Variants in PID1 observed in about 807,000 individuals in gnomAD.
The protein encoded by PID1 is PTB-containing, cubilin and LRP1-interacting protein.
PID1 carries 10 observed loss-of-function variants against 19.1 expected under a neutral mutation model. The observed-to-expected ratio is 0.52, with a 90% CI of 0.32 to 0.89. PID1 has a LOEUF of 0.89. PID1 is among the 40% of genes least tolerant of loss of function. The probability of loss-of-function intolerance (pLI) is 0.03; values close to 1 mark genes in which losing one functional copy is unlikely to be tolerated. For synonymous variants in PID1, 130 were observed against 116.0 expected, an observed-to-expected ratio of 1.12 and a Z score of -0.78; for missense variants, 248 against 285.3, an observed-to-expected ratio of 0.87 and a Z score of 0.94.
Position 229,025,948 on chromosome 2 carries a change from T to C in PID1, c.338A>G (p.His113Arg), listed in dbSNP as rs775155088. Residue 113 changes from histidine (H) to arginine (R), a missense_variant, in exon 3 of 3, where the codon CAT (histidine) becomes CGT (arginine). By Grantham distance (29) the His-to-Arg change is conservative. Coordinates refer to ENST00000392055, the MANE Select transcript of PID1 (RefSeq NM_001100818.2). ...LEIRPFQVWL[H>R]HLDHKGEATV... ...GGCCTCCCCTTTGTGGTCGAGATGA[T>C]GGAGCCAAACTTGGAATGGCCGGAT... The C allele has an allele frequency of 1.9e-6, 3 of 1,614,208 alleles. No individual in the cohort carries two copies. The East Asian group carries it at 6.7e-5, about 36-fold the overall frequency.
chr2:229,184,365 A>C lies in PID1; in HGVS notation c.31-28401T>G, dbSNP rs1284999486. On this transcript the variant is annotated intron_variant, in intron 1 of 2. Transcript: ENST00000392055. ...TATCCCATATATATATCACACATATATATCCCATATATATCTATCCCGTAT... is the reference window on the plus strand; with the variant it reads ...TATCCCATATATATATCACACATATCTATCCCATATATATCTATCCCGTAT... 3.0e-5 allele frequency among the ~76,000 whole-genome samples: 4 copies of C among 133,238 alleles called. 2 individuals carry two copies. Among genetic ancestry groups the C allele is most frequent in the Non-Finnish European group, 6.3e-5 (4 of 63,732 alleles). 87.4% of individuals were successfully genotyped at this position (133,238 alleles called of 152,430 possible). A position where few individuals can be genotyped will look rare whatever the true frequency, so the allele number is the denominator to read the frequency against.
intron 2 of PID1, among the ~76,000 whole-genome samples, chr2:229,096,213 T>C (rs1694968427): frequency 1.3e-5 from 2 of 152,212 alleles, no homozygotes; most frequent in African/African-American, 4.8e-5. Context: ...TATCATGTAC[T>C]TATCTCTTTC....
At chr2:229,184,475 T>G (rs147895312) in intron 1 of PID1, among the ~76,000 whole-genome samples, 11,568 of 13,082 alleles carry the variant, frequency 0.88, 5,541 homozygotes, top group East Asian at 0.98. Context: ...TATATATATA[T>G]CCCGTATATA....
chr2:229,155,852 G>A lies in PID1; in HGVS notation c.143C>T (p.Pro48Leu), dbSNP rs776658269. ...PEAIELCTTTPLMKTRTHSGC... is the reference protein window; with the variant it reads ...PEAIELCTTTLLMKTRTHSGC... ...ACTGTGAGTCCTTGTCTTCATCAGCGGTGTGGTCGTGCACAGCTCAATGGC... is the reference window on the plus strand; with the variant it reads ...ACTGTGAGTCCTTGTCTTCATCAGCAGTGTGGTCGTGCACAGCTCAATGGC... Residue 48 changes from proline to leucine, a missense_variant, in exon 2 of 3, where the codon CCG becomes CTG. By Grantham distance (98) the Pro-to-Leu change is moderately conservative. Coordinates refer to ENST00000392055, the MANE Select transcript of PID1 (RefSeq NM_001100818.2). 1.6e-5 allele frequency: 26 copies of A among 1,613,406 alleles called. No homozygotes were observed. The highest frequency in any genetic ancestry group is 9.3e-5 in the African/African-American group (7 of 74,896).
chr2:229,135,376 GA>G (rs2106172686), intron 2 of PID1, among the ~76,000 whole-genome samples: 1 of 152,220 alleles, frequency 6.6e-6, no homozygotes, highest in South Asian at 2.1e-4. Flanking sequence ...TATGCTAAGT[GA>G]AAAAAGCCAA....
At chr2:229,028,886 T>C (rs895293951) in intron 2 of PID1, among the ~76,000 whole-genome samples, 4 of 152,224 alleles carry the variant, frequency 2.6e-5, no homozygotes, top group African/African-American at 9.6e-5. Context: ...TATCCTATTA[T>C]CAGTTCTACT....
At chr2:229,262,884 C>A (rs1357204161) in intron 1 of PID1, 5 of 1,523,572 alleles carry the variant, frequency 3.3e-6, no homozygotes, top group Middle Eastern at 1.9e-4. Flanking sequence ...TCTGTGTCTG[C>A]AAATCTCTCC....
chr2:229,216,257 C>T (rs1420953503), intron 1 of PID1, among the ~76,000 whole-genome samples: 3 of 152,166 alleles, frequency 2.0e-5, no homozygotes, highest in Admixed American at 6.5e-5. Context: ...TCAACATGCC[C>T]GGGGGCACGT....
At chr2:229,194,073 T>C (rs1229028665) in intron 1 of PID1, among the ~76,000 whole-genome samples, 3 of 152,112 alleles carry the variant, frequency 2.0e-5, no homozygotes, top group South Asian at 4.1e-4. Flanking sequence ...CTAATGAAAA[T>C]TCTGGGAGGG....
At position 229,025,380 on chromosome 2, in the gene PID1, A is replaced by AGAC; in HGVS notation, c.*251_*252insGTC. 2 of 475,150 alleles carry AGAC rather than the reference A, an allele frequency of 4.2e-6. No homozygotes were observed. Among genetic ancestry groups the AGAC allele is most frequent in the Admixed American group, 3.8e-5 (1 of 26,604 alleles). The allele number at this position is 475,150 out of a possible 1,614,324, so 29.4% of individuals were successfully genotyped here. The stretch of plus-strand genomic sequence containing the variant: ...GAGGCATTGGGAAATGAGAAAAATA[A>AGAC]GAGAGCCTAGAACCTTCCTCCCCAT... On this transcript the variant is annotated 3_prime_UTR_variant, in exon 3 of 3. Transcript: ENST00000392055.
In PID1 at chr2:229,258,730, C is replaced by T. The variant is rs183621257; in HGVS notation, c.30+12284G>A. ...AAAATTAGCCGGGCCTACGTAGTGG[C>T]GGGCGCCTGTAGTCCCAGCTACTCG... On this transcript the variant is annotated intron_variant, in intron 1 of 2. Transcript: ENST00000392055. 8.9e-4 allele frequency among the ~76,000 whole-genome samples: 135 copies of T among 151,948 alleles called. 1 individual carries two copies. Among genetic ancestry groups the T allele is most frequent in the African/African-American group, 2.9e-3 (121 of 41,492 alleles).
chr2:229,148,117 A>G (rs1201134143), intron 2 of PID1, among the ~76,000 whole-genome samples: 1 of 152,230 alleles, frequency 6.6e-6, no homozygotes, highest in East Asian at 1.9e-4. Context: ...ATCAGCTGGG[A>G]AGTTTTAATT....
At chr2:229,191,049 T>C (rs1691250900) in intron 1 of PID1, among the ~76,000 whole-genome samples, 3 of 152,084 alleles carry the variant, frequency 2.0e-5, no homozygotes, top group Admixed American at 2.0e-4. Flanking sequence ...GGAGCAACAA[T>C]GAAAACAAAA....
At chr2:229,122,260 T>C (rs1304290411) in intron 2 of PID1, among the ~76,000 whole-genome samples, 3 of 152,156 alleles carry the variant, frequency 2.0e-5, no homozygotes, top group Non-Finnish European at 4.4e-5. Flanking sequence ...AACAATAGAT[T>C]CAACAAAAAT....
intron 1 of PID1, among the ~76,000 whole-genome samples, chr2:229,256,555 A>G (rs957201410): frequency 6.6e-6 from 1 of 152,202 alleles, no homozygotes; most frequent in Admixed American, 6.5e-5. Context: ...GAAGTCTTGC[A>G]CTAAGTAATC....
At chr2:229,081,087 T>C (rs1045671433) in intron 2 of PID1, among the ~76,000 whole-genome samples, 2 of 152,200 alleles carry the variant, frequency 1.3e-5, no homozygotes, top group Admixed American at 6.5e-5. Flanking sequence ...CCCGAATACA[T>C]ACATAGCTTA....
intron 1 of PID1, among the ~76,000 whole-genome samples, chr2:229,192,045 C>T (rs1022607900): frequency 1.3e-5 from 2 of 151,668 alleles, no homozygotes; most frequent in Non-Finnish European, 2.9e-5. Flanking sequence ...TGAACACACA[C>T]TATATAAGTA....
intron 2 of PID1, among the ~76,000 whole-genome samples, chr2:229,108,275 A>G (rs967067285): frequency 6.6e-6 from 1 of 152,100 alleles, no homozygotes; most frequent in Non-Finnish European, 1.5e-5. Flanking sequence ...TTTTTAACTC[A>G]GTTTATTAGT....
intron 1 of PID1, among the ~76,000 whole-genome samples, chr2:229,239,211 G>A (rs1226993): frequency 0.32 from 48,147 of 151,966 alleles, 8,753 homozygotes; most frequent in East Asian, 0.67. Context: ...GTAAGCTAGC[G>A]GGAGGGGCCA....
Sources: gnomAD v4.1 joint callset for allele counts (sites outside exome capture counted in the v4.1 genomes callset) on GRCh38, gnomAD v4.1.1 for gene constraint, MANE v1.5 for transcripts, NCBI Gene and HGNC (gene_info 2026-07-23, HGNC 2026-07-21) for gene names.